The following CAPN2 variants were observed in gnomAD, a reference collection of about 807,000 sequenced individuals.
CAPN2 encodes calpain-2 catalytic subunit.
CAPN2 carries 92 observed loss-of-function variants against 102.3 expected under a neutral mutation model. The ratio of observed to expected loss-of-function variants is 0.90; its 90% confidence interval spans 0.76 to 1.07. The LOEUF is 1.07. CAPN2 is among the 50% of genes least tolerant of loss of function. The probability of loss-of-function intolerance (pLI) is 0.00; values close to 1 mark genes in which losing one functional copy is unlikely to be tolerated. For missense variants in CAPN2, 800 were observed against 909.4 expected, an observed-to-expected ratio of 0.88 and a Z score of 1.55; for synonymous variants, 340 against 355.4, an observed-to-expected ratio of 0.96 and a Z score of 0.49.
At chr1:223,709,310 C>T (rs10916600), upstream of CAPN2, among the ~76,000 whole-genome samples, 32,740 of 152,014 alleles carry the variant, frequency 0.22, 4,103 homozygotes, top group East Asian at 0.38. Flanking sequence ...AAAATACTTG[C>T]TTTAAGAAAA....
Position 223,731,165 on chromosome 1 carries a change from A to G in CAPN2, c.308-12935A>G, listed in dbSNP as rs1417283282. ...GAGTTGGAAGGAAGGTTTCCCACAAAGAGGAAGCAGGGAGTGATTCATTCT... is the reference window on the plus strand; with the variant it reads ...GAGTTGGAAGGAAGGTTTCCCACAAGGAGGAAGCAGGGAGTGATTCATTCT... On this transcript the variant is annotated intron_variant, in intron 2 of 20. Transcript: ENST00000295006. This position sits in a 1 kb window ranked among gnomAD's most constrained non-coding sequence, Gnocchi z 4.2. Among the ~76,000 whole-genome samples the G allele has an allele frequency of 6.6e-6, 1 of 152,222 alleles. No individual in the cohort carries two copies. The highest frequency in any genetic ancestry group is 1.5e-5 in the Non-Finnish European group (1 of 68,038).
chr1:223,703,534 C>A (rs1659532272), intron 1 of CAPN2, among the ~76,000 whole-genome samples: 1 of 152,222 alleles, frequency 6.6e-6, no homozygotes, highest in African/African-American at 2.4e-5. Flanking sequence ...TTCTATTGGC[C>A]CAGCTTTGCC....
chr1:223,753,976 T>C (rs1335500861), intron 9 of CAPN2, among the ~76,000 whole-genome samples: 1 of 152,192 alleles, frequency 6.6e-6, no homozygotes, highest in Non-Finnish European at 1.5e-5. Context: ...TGCATAACAT[T>C]CTATCTAACC....
chr1:223,745,342 G>C lies in CAPN2; in HGVS notation c.463G>C (p.Asp155His). The change falls in exon 4 of 21, where the codon GAT becomes CAT. Residue 155 changes from aspartate (D) to histidine (H), a missense_variant. Transcript: ENST00000295006. ...QYGEWVEVVV[D>H]DRLPTKDGEL... ...CGGCGAGTGGGTGGAGGTGGTGGTG[G>C]ATGACAGGCTGCCCACCAAGGACGG... 1 of 1,614,208 alleles carries C rather than the reference G, an allele frequency of 6.2e-7. No individual in the cohort carries two copies. Among genetic ancestry groups the C allele is most frequent in the Non-Finnish European group, 8.5e-7 (1 of 1,180,036 alleles).
chr1:223,707,306 C>T (rs1659633441), intron 1 of CAPN2, among the ~76,000 whole-genome samples: 1 of 152,056 alleles, frequency 6.6e-6, no homozygotes, highest in African/African-American at 2.4e-5. Flanking sequence ...CTCTCATTTA[C>T]TCACAAGGTC....
intron 5 of CAPN2, among the ~76,000 whole-genome samples, chr1:223,748,610 G>A (rs1660807944): frequency 6.6e-6 from 1 of 152,156 alleles, no homozygotes; most frequent in Non-Finnish European, 1.5e-5. Context: ...GTGTCCCTGG[G>A]CCACTCAAGG....
rs1017190128 is a variant in CAPN2, at chr1:223,775,540, G to C, written c.*683G>C. 14 of 152,490 alleles carry C rather than the reference G, an allele frequency of 9.2e-5. No homozygotes were observed. Among genetic ancestry groups the C allele is most frequent in the African/African-American group, 2.9e-4 (12 of 41,452 alleles). The allele number at this position is 152,490 out of a possible 1,614,324, so 9.4% of individuals were successfully genotyped here. A position where few individuals can be genotyped will look rare whatever the true frequency, so the allele number is the denominator to read the frequency against. On this transcript the variant is annotated 3_prime_UTR_variant, in exon 21 of 21. Transcript: ENST00000295006. ...CATCTGGTCTTACAAAGACCAAAGG[G>C]ATCCTGCGCTTGATCAACTGAACCA...
chr1:223,762,365 C>A, intron 14 of CAPN2, 114 bp downstream of exon 14: 1 of 853,908 alleles, frequency 1.2e-6, no homozygotes, highest in Non-Finnish European at 1.9e-6. Context: ...TGAACAAAAG[C>A]AAAGAGAAAT....
chr1:223,746,971 C>T (rs762612610), intron 4 of CAPN2, 26 bp from the exon 5 acceptor site: 35 of 1,599,772 alleles, frequency 2.2e-5, no homozygotes, highest in Middle Eastern at 1.7e-4. Flanking sequence ...TCAAGGGTAG[C>T]GGCAGCGTCT....
intron 3 of CAPN2, 55 bp downstream of exon 3, chr1:223,744,273 A>T: frequency 8.7e-7 from 1 of 1,146,258 alleles, no homozygotes. Context: ...GGCTAGGAAC[A>T]GTCTTCTGGC....
intron 2 of CAPN2, among the ~76,000 whole-genome samples, chr1:223,730,090 G>C (rs1660300282): frequency 6.8e-6 from 1 of 147,696 alleles, no homozygotes; most frequent in Admixed American, 6.8e-5. Context: ...GAAGTTGTTA[G>C]AGACCAAGGT....
At chr1:223,761,263 G>T (rs537161008) in intron 12 of CAPN2, among the ~76,000 whole-genome samples, 1 of 152,362 alleles carries the variant, frequency 6.6e-6, no homozygotes, top group South Asian at 2.1e-4. Context: ...ATCTCCAGCT[G>T]CCCACGTTGC....
intron 11 of CAPN2, chr1:223,757,674 G>A: frequency 2.0e-6 from 1 of 487,840 alleles, no homozygotes; most frequent in South Asian, 3.4e-5. Flanking sequence ...GACTGCAGGA[G>A]GCTTTTCACA....
Position 223,727,237 on chromosome 1 carries a change from G to C in CAPN2, c.307+9406G>C, listed in dbSNP as rs28370037. Among the ~76,000 whole-genome samples, 959 of 152,276 alleles carry C rather than the reference G, an allele frequency of 6.3e-3. 9 individuals carry two copies. Among genetic ancestry groups the C allele is most frequent in the African/African-American group, 0.022 (897 of 41,540 alleles). On this transcript the variant is annotated intron_variant, in intron 2 of 20. Coordinates refer to ENST00000295006, the MANE Select transcript of CAPN2 (RefSeq NM_001748.5). The surrounding 1 kb of genome is among the most constrained non-coding windows in gnomAD (Gnocchi z 4.1). Reference sequence around the variant, plus strand: ...CAGCATGCAAAACAAAAGAACAAAAGGTCTAAAGAAATATAACGCAAAACA... The same window carrying C: ...CAGCATGCAAAACAAAAGAACAAAACGTCTAAAGAAATATAACGCAAAACA...
intron 1 of CAPN2, among the ~76,000 whole-genome samples, chr1:223,713,623 C>T (rs984093839): frequency 1.3e-5 from 2 of 152,178 alleles, no homozygotes; most frequent in Non-Finnish European, 2.9e-5. Flanking sequence ...ACCCCTGAGG[C>T]TCCTCCTCCT....
In CAPN2 at chr1:223,726,446, C is replaced by G. The variant is rs1415252559; in HGVS notation, c.307+8615C>G. 6.6e-6 allele frequency among the ~76,000 whole-genome samples: 1 copy of G among 152,108 alleles called. No individual in the cohort carries two copies. The highest frequency in any genetic ancestry group is 2.1e-4 in the South Asian group (1 of 4,826). On this transcript the variant is annotated intron_variant, in intron 2 of 20. Transcript: ENST00000295006. The surrounding 1 kb of genome is among the most constrained non-coding windows in gnomAD (Gnocchi z 4.4). ...CCAGGAGGGTCAGGGCTGCAGGGAA[C>G]AGGGACACAAAAACGACAAAACATG...
At chr1:223,720,045 C>G (rs28370031) in intron 2 of CAPN2, among the ~76,000 whole-genome samples, 14,794 of 152,126 alleles carry the variant, frequency 0.097, 796 homozygotes, top group African/African-American at 0.14. Context: ...CAGTGACACT[C>G]TGTGACATGG....
At chr1:223,720,704 C>G (rs1016893985) in intron 2 of CAPN2, among the ~76,000 whole-genome samples, 2 of 152,096 alleles carry the variant, frequency 1.3e-5, no homozygotes, top group African/African-American at 4.8e-5. Flanking sequence ...CATTTTTTCA[C>G]TACAGTATTT....
chr1:223,750,442 C>T (rs1660857377), intron 6 of CAPN2, among the ~76,000 whole-genome samples: 1 of 152,204 alleles, frequency 6.6e-6, no homozygotes, highest in Non-Finnish European at 1.5e-5. Context: ...TCTATACTAA[C>T]ATTTTCCCAG....
Sources: gnomAD v4.1 joint callset for allele counts (sites outside exome capture counted in the v4.1 genomes callset) on GRCh38, gnomAD v4.1.1 for gene constraint, Gnocchi (gnomAD v3.1) non-coding constraint, MANE v1.5 for transcripts, NCBI Gene and HGNC (gene_info 2026-07-23, HGNC 2026-07-21) for gene names.